TRAT1: variants seen among roughly 807,000 people sequenced by gnomAD.
TRAT1 encodes T cell receptor associated transmembrane adaptor 1.
In TRAT1, 20 loss-of-function variants were observed where a neutral mutation model predicts 20.0. The ratio of observed to expected loss-of-function variants is 1.00; its 90% CI spans 0.70 to 1.45. The LOEUF is 1.45. TRAT1 is among the 40% of genes most tolerant of loss of function. The pLI, the probability that TRAT1 is intolerant of heterozygous loss-of-function variation, is 0.00. For synonymous variants in TRAT1, 77 were observed against 74.2 expected, an observed-to-expected ratio of 1.04 and a Z score of -0.20; for missense variants, 237 against 224.1, an observed-to-expected ratio of 1.06 and a Z score of -0.37.
chr3:108,853,489 G>C, intron 5 of TRAT1, 131 bp from the exon 6 acceptor site: 2 of 1,065,368 alleles, frequency 1.9e-6, no homozygotes, highest in Non-Finnish European at 2.7e-6. Flanking sequence ...TTTTTGTACT[G>C]ACAAATTTGG....
At position 108,853,801 on chromosome 3, in the gene TRAT1, C is replaced by G; in HGVS notation, c.485C>G (p.Ala162Gly). Reference protein sequence around the residue: ...LVDSFSPESQAVEENIHDDPI... With the variant: ...LVDSFSPESQGVEENIHDDPI... The stretch of plus-strand genomic sequence containing the variant: ...GACAGTTTCTCCCCAGAAAGCCAGG[C>G]AGTAGAGGAAAACATTCATGATGAT... The change falls in exon 6 of 6, where the codon GCA becomes GGA. Residue 162 changes from alanine to glycine, a missense_variant. Physicochemically the swap from Ala to Gly is moderately conservative, Grantham distance 60 (BLOSUM62 0). Coordinates refer to ENST00000295756, the MANE Select transcript of TRAT1 (RefSeq NM_016388.4). 6.2e-7 allele frequency: 1 copy of G among 1,614,076 alleles called. No individual in the cohort carries two copies. Among genetic ancestry groups the G allele is most frequent in the Non-Finnish European group, 8.5e-7 (1 of 1,179,948 alleles).
chr3:108,844,712 C>A lies in TRAT1; in HGVS notation c.153-2356C>A, dbSNP rs1406385234. Among the ~76,000 whole-genome samples the A allele has an allele frequency of 6.6e-5, 10 of 150,840 alleles. 1 individual carries two copies. Among genetic ancestry groups the A allele is most frequent in the Admixed American group, 5.9e-4 (9 of 15,172 alleles). On this transcript the variant is annotated intron_variant, in intron 3 of 5. Transcript: ENST00000295756. ...ACAAAAAATTAGCTGGGTGTGGTGGCGGGCGCCTGTAGTCCCAGCTACTCG... is the reference window on the plus strand; with the variant it reads ...ACAAAAAATTAGCTGGGTGTGGTGGAGGGCGCCTGTAGTCCCAGCTACTCG...
At chr3:108,841,948 T>C (rs1195266323) in intron 3 of TRAT1, among the ~76,000 whole-genome samples, 1 of 152,158 alleles carries the variant, frequency 6.6e-6, no homozygotes, top group African/African-American at 2.4e-5. Context: ...GAAATGAGCA[T>C]TGGTGAAATT....
chr3:108,836,423 C>T (rs1260248402), intron 2 of TRAT1, among the ~76,000 whole-genome samples: 11 of 152,020 alleles, frequency 7.2e-5, no homozygotes, highest in Admixed American at 7.2e-4. Flanking sequence ...TGATTTTTTT[C>T]CTTTTCTTTC....
chr3:108,851,892 C>T (rs1946001311), intron 5 of TRAT1, among the ~76,000 whole-genome samples: 2 of 151,874 alleles, frequency 1.3e-5, no homozygotes, highest in East Asian at 1.9e-4. Flanking sequence ...GTTGACCACA[C>T]ATGCATTATT....
At chr3:108,852,159 T>C (rs1946003619) in intron 5 of TRAT1, among the ~76,000 whole-genome samples, 1 of 152,172 alleles carries the variant, frequency 6.6e-6, no homozygotes, top group African/African-American at 2.4e-5. Flanking sequence ...GGCGGGCGGA[T>C]CACCTGAGAT....
intron 3 of TRAT1, among the ~76,000 whole-genome samples, chr3:108,843,298 G>A (rs550883094): frequency 7.2e-5 from 11 of 152,282 alleles, no homozygotes; most frequent in East Asian, 1.9e-4. Context: ...TTGGGAGGCC[G>A]AGGCAGGCAG....
At chr3:108,851,814 A>G (rs1946000686) in intron 5 of TRAT1, among the ~76,000 whole-genome samples, 1 of 152,218 alleles carries the variant, frequency 6.6e-6, no homozygotes, top group Non-Finnish European at 1.5e-5. Context: ...TATTAAACAT[A>G]CAATTTGTGG....
intron 5 of TRAT1, among the ~76,000 whole-genome samples, chr3:108,851,895 G>C (rs1946001448): frequency 6.6e-6 from 1 of 151,878 alleles, no homozygotes; most frequent in African/African-American, 2.4e-5. Context: ...GACCACACAT[G>C]CATTATTTGG....
chr3:108,823,238 T>C (rs1003577430), intron 1 of TRAT1, among the ~76,000 whole-genome samples: 3 of 152,244 alleles, frequency 2.0e-5, no homozygotes, highest in Non-Finnish European at 4.4e-5. Flanking sequence ...TTGTTGACTA[T>C]GTGTATTCCT....
intron 5 of TRAT1, among the ~76,000 whole-genome samples, chr3:108,853,034 G>A (rs1946010873): frequency 6.6e-6 from 1 of 152,198 alleles, no homozygotes; most frequent in Non-Finnish European, 1.5e-5. Flanking sequence ...GCTCAAAAGG[G>A]AACTGGGGAA....
chr3:108,832,011 T>C (rs1416317769), intron 2 of TRAT1, among the ~76,000 whole-genome samples: 2 of 152,218 alleles, frequency 1.3e-5, no homozygotes, highest in African/African-American at 4.8e-5. Context: ...AGAGCTAATT[T>C]AGAACAATGG....
At chr3:108,847,264 T>G (rs1002768693) in intron 4 of TRAT1, 135 bp downstream of exon 4, 86 of 551,738 alleles carry the variant, frequency 1.6e-4, no homozygotes, top group African/African-American at 1.5e-3. Flanking sequence ...GAACTTTTAG[T>G]ATATTAATTA....
At chr3:108,847,821 T>TG (rs1485767212) in intron 4 of TRAT1, among the ~76,000 whole-genome samples, 2 of 152,286 alleles carry the variant, frequency 1.3e-5, no homozygotes, top group East Asian at 3.9e-4. Flanking sequence ...AGAGGAGACT[T>TG]GGGGGTTAAA....
chr3:108,851,852 C>T (rs1026732521), intron 5 of TRAT1, among the ~76,000 whole-genome samples: 1 of 152,098 alleles, frequency 6.6e-6, no homozygotes, highest in South Asian at 2.1e-4. Flanking sequence ...CATTCTTTAA[C>T]TCTGCAGCAC....
In TRAT1 at chr3:108,854,119, G is replaced by T. The variant is rs1441676655; in HGVS notation, c.*242G>T. The stretch of plus-strand genomic sequence containing the variant: ...CTACTAAAATGTAAAAAATTAATGT[G>T]CTCACCTCGGCAGCACATATACTAA... On this transcript the variant is annotated 3_prime_UTR_variant, in exon 6 of 6. Coordinates refer to ENST00000295756, the MANE Select transcript of TRAT1 (RefSeq NM_016388.4). 2.5e-6 allele frequency: 1 copy of T among 402,080 alleles called. No individual in the cohort carries two copies. The highest frequency in any genetic ancestry group is 2.0e-5 in the African/African-American group (1 of 50,606). The allele number at this position is 402,080 out of a possible 1,614,324, so 24.9% of individuals were successfully genotyped here.
chr3:108,840,724 T>G (rs1205039781), intron 3 of TRAT1, among the ~76,000 whole-genome samples: 1 of 152,172 alleles, frequency 6.6e-6, no homozygotes, highest in Admixed American at 6.5e-5. Context: ...CAGCCCACTG[T>G]GTCTTGGGAT....
rs868123159 is a variant in TRAT1, at chr3:108,853,850, C to T, written c.534C>T (p.Ile178=). ...HDDPIRLFGL[I]RAKREPIN ...ATCCCATCAGACTGTTTGGATTGAT[C>T]CGTGCTAAGAGAGAACCTATAAACT... The change falls in exon 6 of 6, where the codon ATC becomes ATT. Residue 178 remains isoleucine, a synonymous_variant. Transcript: ENST00000295756. The T allele has an allele frequency of 6.2e-7, 1 of 1,613,970 alleles. No individual in the cohort carries two copies. The highest frequency in any genetic ancestry group is 1.1e-5 in the South Asian group (1 of 91,068).
At chr3:108,838,229 T>C (rs1945856147) in intron 2 of TRAT1, among the ~76,000 whole-genome samples, 1 of 152,166 alleles carries the variant, frequency 6.6e-6, no homozygotes, top group Non-Finnish European at 1.5e-5. Context: ...TCCCACTCCT[T>C]TGTACAATGT....
Sources: allele counts gnomAD v4.1 joint callset (sites outside exome capture counted in the v4.1 genomes callset), GRCh38; gene constraint gnomAD v4.1.1; transcripts MANE v1.5; gene names NCBI Gene and HGNC (gene_info 2026-07-23, HGNC 2026-07-21).